Variants in TSNAX observed in about 807,000 individuals in gnomAD.
The protein encoded by TSNAX is translin-associated protein X.
TSNAX carries 12 observed loss-of-function variants against 33.0 expected under a neutral mutation model. The observed-to-expected ratio is 0.36, with a 90% CI of 0.23 to 0.59. The LOEUF (loss-of-function observed/expected upper bound fraction) is 0.59, where lower values mean the gene tolerates loss of function less well. TSNAX is among the 20% of genes least tolerant of loss of function. TSNAX has a pLI of 0.74. For synonymous variants in TSNAX, 110 were observed against 117.2 expected (o/e 0.94, Z 0.40); for missense variants, 267 against 341.3 (o/e 0.78, Z 1.72).
intron 2 of TSNAX, 77 bp downstream of exon 2, chr1:231,529,436 T>C (rs542912427): frequency 1.4e-6 from 2 of 1,410,764 alleles, no homozygotes; most frequent in African/African-American, 1.4e-5. Context: ...AAGAAAACAG[T>C]CCCTAAGAAT....
intron 4 of TSNAX, among the ~76,000 whole-genome samples, chr1:231,548,116 AGCC>A (rs1660066023): frequency 6.6e-6 from 1 of 152,220 alleles, no homozygotes; most frequent in African/African-American, 2.4e-5. Context: ...TACAGGCATG[AGCC>A]ACCGCGCCTG....
At chr1:231,562,188 T>C (rs890602395) in intron 5 of TSNAX, among the ~76,000 whole-genome samples, 4 of 148,390 alleles carry the variant, frequency 2.7e-5, no homozygotes, top group Non-Finnish European at 6.0e-5. Context: ...ATTAAATTAT[T>C]AATTTAATTT....
At chr1:231,564,194 G>A (rs747245792) in intron 5 of TSNAX, among the ~76,000 whole-genome samples, 2 of 152,138 alleles carry the variant, frequency 1.3e-5, no homozygotes, top group African/African-American at 4.8e-5. Flanking sequence ...AGTAATTGTC[G>A]TGCAATAAAG....
At position 231,546,027 on chromosome 1, in the gene TSNAX, C is replaced by T. The variant is rs1287134174; in HGVS notation, c.367+3416C>T. 2.0e-5 allele frequency among the ~76,000 whole-genome samples: 3 copies of T among 152,158 alleles called. No individual in the cohort carries two copies. The East Asian group carries it at 5.8e-4, about 29-fold the overall frequency. On this transcript the variant is annotated intron_variant, in intron 4 of 5. Coordinates refer to ENST00000366639, the MANE Select transcript of TSNAX (RefSeq NM_005999.3). Reference sequence around the variant, plus strand: ...TGCTTACCCCAAATACTGAGGTTTTCCTCATAAACCCAGCACACACTGTGG... The same window carrying T: ...TGCTTACCCCAAATACTGAGGTTTTTCTCATAAACCCAGCACACACTGTGG...
intron 2 of TSNAX, among the ~76,000 whole-genome samples, chr1:231,533,119 T>A (rs559732939): frequency 1.3e-5 from 2 of 151,304 alleles, no homozygotes; most frequent in East Asian, 3.9e-4. Context: ...CAGACTGGCG[T>A]GCAGTGGTGC....
intron 5 of TSNAX, among the ~76,000 whole-genome samples, chr1:231,562,063 A>G (rs1319892197): frequency 6.6e-6 from 1 of 151,702 alleles, no homozygotes; most frequent in East Asian, 1.9e-4. Context: ...AAGATATAAC[A>G]GGCAGTAAGG....
intron 2 of TSNAX, chr1:231,534,159 C>T (rs75829029): frequency 6.6e-6 from 1 of 152,108 alleles, no homozygotes; most frequent in Non-Finnish European, 1.5e-5. Context: ...TTAATATTTT[C>T]TCATGGTTAG....
chr1:231,543,272 CTTTCTTCTT>C (rs1377147776), intron 4 of TSNAX, among the ~76,000 whole-genome samples: 3 of 151,352 alleles, frequency 2.0e-5, no homozygotes, highest in Admixed American at 1.3e-4. Context: ...GTTCTTTCCT[CTTTCTTCTT>C]TTTCTAATGT....
intron 4 of TSNAX, among the ~76,000 whole-genome samples, chr1:231,545,524 C>T (rs963134841): frequency 1.3e-5 from 2 of 151,282 alleles, no homozygotes; most frequent in African/African-American, 4.9e-5. Context: ...TGAAATAAGT[C>T]TTTAAAAAAA....
At chr1:231,540,550 T>A (rs1437659026) in intron 3 of TSNAX, among the ~76,000 whole-genome samples, 1 of 152,236 alleles carries the variant, frequency 6.6e-6, no homozygotes, top group African/African-American at 2.4e-5. Flanking sequence ...TTATGGAGCC[T>A]TAATTTTGGC....
chr1:231,532,131 A>AACACACACACACGCAC (rs1658769723), intron 2 of TSNAX, among the ~76,000 whole-genome samples: 1 of 85,150 alleles, frequency 1.2e-5, no homozygotes, highest in Non-Finnish European at 2.1e-5. Flanking sequence ...TAGTGGTAAT[A>AACACACACACACGCAC]ACACACACAC....
chr1:231,535,536 TA>T (rs1659108153), intron 2 of TSNAX: 1 of 152,216 alleles, frequency 6.6e-6, no homozygotes, highest in South Asian at 2.1e-4. Flanking sequence ...AGGCTTTCCG[TA>T]AAAAGTTTAC....
chr1:231,563,347 A>T (rs976328268), intron 5 of TSNAX: 4 of 152,622 alleles, frequency 2.6e-5, no homozygotes, highest in Admixed American at 2.6e-4. Flanking sequence ...TCATGATAGC[A>T]GCTAGCATTT....
At chr1:231,532,916 G>A (rs986789950) in intron 2 of TSNAX, among the ~76,000 whole-genome samples, 1 of 152,006 alleles carries the variant, frequency 6.6e-6, no homozygotes, top group African/African-American at 2.4e-5. Flanking sequence ...GGTACAGACT[G>A]TTTTTGCTTT....
In TSNAX at chr1:231,528,768, A is replaced by G; in HGVS notation, c.-43A>G. On this transcript the variant is annotated 5_prime_UTR_variant, in exon 1 of 6. Coordinates refer to ENST00000366639, the MANE Select transcript of TSNAX (RefSeq NM_005999.3). ...GTACCTCGCGCACTCCTCTTGCTCC[A>G]GGTCCTTCAGTCTCCGCTCGTCTCA... is the stretch of plus-strand genomic sequence containing the variant. 6.2e-7 allele frequency: 1 copy of G among 1,613,850 alleles called. No homozygotes were observed. The highest frequency in any genetic ancestry group is 1.7e-5 in the Admixed American group (1 of 60,022).
intron 2 of TSNAX, among the ~76,000 whole-genome samples, chr1:231,530,088 T>C (rs1413062397): frequency 6.6e-6 from 1 of 152,210 alleles, no homozygotes; most frequent in Non-Finnish European, 1.5e-5. Flanking sequence ...TTGTGCTGCT[T>C]GGATGTCCTT....
At position 231,564,672 on chromosome 1, in the gene TSNAX, C is replaced by G. The variant is rs1351825073; in HGVS notation, c.640C>G (p.Pro214Ala). Residue 214 changes from proline to alanine, a missense_variant, in exon 6 of 6, where the codon CCC becomes GCC. By Grantham distance (27) the Pro-to-Ala change is conservative (BLOSUM62 -1). Around this residue, in one of 2 missense-constraint regions of TSNAX, gnomAD observed 67 missense variants for 127.2 expected, o/e 0.53. Coordinates refer to ENST00000366639, the MANE Select transcript of TSNAX (RefSeq NM_005999.3). ...NSVGNGDIDT[P>A]FEVSQFLRQV... ...TGTGGGGAATGGGGACATTGATACC[C>G]CCTTTGAAGTGAGCCAGTTTTTACG... The G allele has an allele frequency of 6.2e-7, 1 of 1,614,068 alleles. No homozygotes were observed. The highest frequency in any genetic ancestry group is 1.1e-5 in the South Asian group (1 of 91,080).
chr1:231,541,686 A>C (rs192145080), intron 3 of TSNAX, among the ~76,000 whole-genome samples: 1 of 152,252 alleles, frequency 6.6e-6, no homozygotes, highest in African/African-American at 2.4e-5. Flanking sequence ...CTTTTGCCTA[A>C]AGAACTTCTT....
intron 4 of TSNAX, among the ~76,000 whole-genome samples, chr1:231,554,931 C>T (rs1468914322): frequency 2.0e-5 from 3 of 152,156 alleles, no homozygotes; most frequent in Admixed American, 2.0e-4. Flanking sequence ...GTAATAGTCA[C>T]ATAAGGTTAT....
Sources: gnomAD v4.1 joint callset for allele counts (sites outside exome capture counted in the v4.1 genomes callset) on GRCh38, gnomAD v4.1.1 for gene constraint, gnomAD v4.1.1 regional missense constraint, MANE v1.5 for transcripts, NCBI Gene and HGNC (gene_info 2026-07-23, HGNC 2026-07-21) for gene names.